The following ATF7IP variants were observed in gnomAD, a reference collection of about 807,000 sequenced individuals.
ATF7IP encodes activating transcription factor 7-interacting protein 1.
A neutral mutation model predicts 106.4 loss-of-function variants in ATF7IP; 23 were observed. The observed-to-expected ratio is 0.22, with a 90% CI of 0.16 to 0.31. The LOEUF (loss-of-function observed/expected upper bound fraction) is 0.31, where lower values mean the gene tolerates loss of function less well. Among genes scored for constraint, ATF7IP ranks in the 10% least tolerant of loss-of-function variants. ATF7IP has a pLI of 1.00. For missense variants in ATF7IP, 1,334 were observed against 1,524.3 expected (o/e 0.88, Z 2.08); for synonymous variants, 542 against 539.0 (o/e 1.01, Z -0.08).
At chr12:14,369,627 G>T (rs941269435) in intron 1 of ATF7IP, among the ~76,000 whole-genome samples, 8 of 152,164 alleles carry the variant, frequency 5.3e-5, no homozygotes, top group African/African-American at 1.9e-4. Flanking sequence ...GTGAACCACC[G>T]TGCACAGCCT....
intron 5 of ATF7IP, among the ~76,000 whole-genome samples, chr12:14,442,345 CAT>C (rs1942752607): frequency 6.6e-6 from 1 of 151,320 alleles, no homozygotes; most frequent in Non-Finnish European, 1.5e-5. Flanking sequence ...AGATACTACC[CAT>C]GTGGCAATTG....
chr12:14,464,749 A>G (rs1943764791), intron 9 of ATF7IP, among the ~76,000 whole-genome samples: 1 of 152,230 alleles, frequency 6.6e-6, no homozygotes, highest in South Asian at 2.1e-4. Flanking sequence ...TTGAGAATCT[A>G]GAATAAGGAA....
chr12:14,458,884 C>G (rs1203017342), intron 8 of ATF7IP, among the ~76,000 whole-genome samples: 1 of 151,654 alleles, frequency 6.6e-6, no homozygotes, highest in Non-Finnish European at 1.5e-5. Flanking sequence ...TAATATTATT[C>G]ATTGATCATT....
intron 8 of ATF7IP, among the ~76,000 whole-genome samples, 172 bp downstream of exon 8, chr12:14,457,467 A>C (rs1290216808): frequency 6.6e-6 from 1 of 152,194 alleles, no homozygotes; most frequent in Non-Finnish European, 1.5e-5. Context: ...GCACATGCTT[A>C]TAGTCTCAGC....
chr12:14,470,926 A>G (rs1008692237), intron 10 of ATF7IP, among the ~76,000 whole-genome samples: 1 of 152,180 alleles, frequency 6.6e-6, no homozygotes, highest in African/African-American at 2.4e-5. Flanking sequence ...CTTGATCTAT[A>G]TAAGCATTTA....
intron 9 of ATF7IP, among the ~76,000 whole-genome samples, chr12:14,465,571 A>C (rs1007883572): frequency 6.6e-6 from 1 of 151,808 alleles, no homozygotes; most frequent in Admixed American, 6.6e-5. Flanking sequence ...TTCTTCTTAC[A>C]AAAAGAAGGT....
intron 1 of ATF7IP, chr12:14,419,351 T>C (rs1267062351): frequency 6.6e-6 from 1 of 152,162 alleles, no homozygotes; most frequent in African/African-American, 2.4e-5. Context: ...AAAGGAATGC[T>C]TACTTTTAAT....
chr12:14,491,654 G>T (rs1565557544), intron 13 of ATF7IP, among the ~76,000 whole-genome samples: 2 of 152,202 alleles, frequency 1.3e-5, no homozygotes, highest in Admixed American at 6.5e-5. Context: ...AGACAGTAAA[G>T]GTATGTTGCT....
intron 6 of ATF7IP, among the ~76,000 whole-genome samples, 156 bp from the exon 7 acceptor site, chr12:14,456,405 C>G (rs1013714674): frequency 6.6e-6 from 1 of 152,120 alleles, no homozygotes; most frequent in Non-Finnish European, 1.5e-5. Flanking sequence ...AGTGATAATG[C>G]CAAGATTCAA....
At chr12:14,417,400 C>T (rs901986568) in intron 1 of ATF7IP, among the ~76,000 whole-genome samples, 1 of 151,840 alleles carries the variant, frequency 6.6e-6, no homozygotes, top group African/African-American at 2.4e-5. Context: ...TCCTTTGGGT[C>T]CAGAATACTA....
intron 13 of ATF7IP, among the ~76,000 whole-genome samples, chr12:14,493,367 G>A (rs977629160): frequency 4.6e-5 from 7 of 152,202 alleles, no homozygotes; most frequent in Admixed American, 3.3e-4. Flanking sequence ...GGGCCCACCA[G>A]TACTTTAGTG....
chr12:14,377,246 C>T lies in ATF7IP; in HGVS notation c.-8+11419C>T, dbSNP rs574277430. On this transcript the variant is annotated intron_variant, in intron 1 of 14. Coordinates refer to ENST00000261168, the MANE Select transcript of ATF7IP (RefSeq NM_018179.5). ...CTGAGCTCAAGTGATCTGCCTGCTT[C>T]GGCCTCCCAAAGTGCTGTGGTTATA... Among the ~76,000 whole-genome samples the T allele has an allele frequency of 2.6e-5, 4 of 152,046 alleles. No homozygotes were observed. In the South Asian group the frequency reaches 6.2e-4, roughly 24 times the overall value.
intron 5 of ATF7IP, among the ~76,000 whole-genome samples, chr12:14,440,023 G>C (rs1397483071): frequency 2.0e-5 from 3 of 152,172 alleles, no homozygotes; most frequent in Middle Eastern, 6.8e-3. Flanking sequence ...CATCTTCTCT[G>C]CAAATGTTCC....
chr12:14,457,986 C>T (rs567642001), intron 8 of ATF7IP, among the ~76,000 whole-genome samples: 8 of 151,698 alleles, frequency 5.3e-5, no homozygotes, highest in African/African-American at 1.9e-4. Flanking sequence ...CCCAGCTACT[C>T]AGGAGGCTGA....
intron 1 of ATF7IP, among the ~76,000 whole-genome samples, chr12:14,371,359 A>G (rs1187321183): frequency 6.6e-6 from 1 of 152,138 alleles, no homozygotes; most frequent in African/African-American, 2.4e-5. Context: ...GGCCTTTCTT[A>G]AGCAGTTTAT....
At chr12:14,378,378 G>A (rs1246368970) in intron 1 of ATF7IP, among the ~76,000 whole-genome samples, 3 of 152,160 alleles carry the variant, frequency 2.0e-5, no homozygotes, top group Non-Finnish European at 4.4e-5. Context: ...GATTACAGGC[G>A]TGAGTCACCA....
intron 6 of ATF7IP, among the ~76,000 whole-genome samples, chr12:14,453,822 A>C (rs534559934): frequency 6.6e-6 from 1 of 151,864 alleles, no homozygotes; most frequent in Admixed American, 6.6e-5. Flanking sequence ...ACAAGCTTTC[A>C]CCATTTTGGC....
chr12:14,460,175 T>A lies in ATF7IP; in HGVS notation c.2159-320T>A, dbSNP rs11055984. On this transcript the variant is annotated intron_variant, in intron 8 of 14. Coordinates refer to ENST00000261168, the MANE Select transcript of ATF7IP (RefSeq NM_018179.5). ...TATATTTTTACTTAACTTTTTAGTA[T>A]TTTTTATTTGTTTACTAGTTAGGTA... Among the ~76,000 whole-genome samples the A allele has an allele frequency of 5.3e-4, 81 of 152,316 alleles. 1 individual carries two copies. The highest frequency in any genetic ancestry group is 1.0e-3 in the Non-Finnish European group (69 of 68,010).
At chr12:14,380,365 G>GATTGCCTTATCTAA (rs1210410075) in intron 1 of ATF7IP, among the ~76,000 whole-genome samples, 3 of 152,152 alleles carry the variant, frequency 2.0e-5, no homozygotes, top group Non-Finnish European at 4.4e-5. Context: ...TTCAAAAGTT[G>GATTGCCTTATCTAA]ATTGCCTTAT....
Sources: gnomAD v4.1 joint callset for allele counts (sites outside exome capture counted in the v4.1 genomes callset) on GRCh38, gnomAD v4.1.1 for gene constraint, MANE v1.5 for transcripts, NCBI Gene and HGNC (gene_info 2026-07-23, HGNC 2026-07-21) for gene names.